The following CD34 variants were observed in gnomAD, a reference collection of about 807,000 sequenced individuals.
CD34 encodes hematopoietic progenitor cell antigen CD34.
CD34 carries 34 observed loss-of-function variants against 40.1 expected under a neutral mutation model. The observed-to-expected ratio is 0.85, with a 90% CI of 0.65 to 1.13. The LOEUF is 1.13. Among genes scored for constraint, CD34 ranks in the 50% most tolerant of loss-of-function variants. The pLI is 0.00. For missense variants in CD34, 426 were observed against 466.9 expected, an observed-to-expected ratio of 0.91 and a Z score of 0.81; for synonymous variants, 209 against 190.0, an observed-to-expected ratio of 1.10 and a Z score of -0.82.
intron 1 of CD34, among the ~76,000 whole-genome samples, chr1:207,908,632 A>C (rs531467710): frequency 6.6e-6 from 1 of 152,248 alleles, no homozygotes; most frequent in South Asian, 2.1e-4. Flanking sequence ...AGGCCTTGGA[A>C]AGCTTGGAGG....
At position 207,887,539 on chromosome 1, in the gene CD34, A is replaced by C. The variant is rs535096503; in HGVS notation, c.*199T>G. 2 of 681,480 alleles carry C rather than the reference A, an allele frequency of 2.9e-6. No homozygotes were observed. Among genetic ancestry groups the C allele is most frequent in the South Asian group, 4.2e-5 (2 of 47,554 alleles). The allele number at this position is 681,480 out of a possible 1,614,324, so 42.2% of individuals were successfully genotyped here. A position where few individuals can be genotyped will look rare whatever the true frequency, so the allele number is the denominator to read the frequency against. On this transcript the variant is annotated 3_prime_UTR_variant, in exon 8 of 8. Coordinates refer to ENST00000310833, the MANE Select transcript of CD34 (RefSeq NM_001025109.2). ...CCAAAGAAGACCAGAGTCTGGCTCC[A>C]GGGAGCCGAATGTGTAAAGGACAGG... is the stretch of plus-strand genomic sequence containing the variant.
intron 3 of CD34, 148 bp downstream of exon 3, chr1:207,898,825 A>G (rs1662204398): frequency 2.4e-6 from 2 of 842,352 alleles, no homozygotes; most frequent in Non-Finnish European, 3.8e-6. Flanking sequence ...TCTCCCAGCA[A>G]TATTTAAACT....
At chr1:207,909,785 C>T (rs1217158842) in intron 1 of CD34, among the ~76,000 whole-genome samples, 4 of 152,190 alleles carry the variant, frequency 2.6e-5, no homozygotes, top group Non-Finnish European at 4.4e-5. Context: ...TTCCTTGCCC[C>T]AAAGCACACA....
intron 1 of CD34, among the ~76,000 whole-genome samples, chr1:207,909,172 G>A (rs1421619711): frequency 6.6e-6 from 1 of 152,176 alleles, no homozygotes; most frequent in African/African-American, 2.4e-5. Flanking sequence ...ACCAAAAGCT[G>A]GGATATTCTC....
At position 207,886,375 on chromosome 1, in the gene CD34, C is replaced by T. The variant is rs950117815; in HGVS notation, c.*1363G>A. 2.0e-5 allele frequency: 3 copies of T among 152,130 alleles called. No homozygotes were observed. The allele number at this position is 152,130 out of a possible 1,614,324, so 9.4% of individuals were successfully genotyped here. ...GGAGGAGAATAGTTGGCAGACTTGG[C>T]TAAAGGTCCTTAGCATCCTGGCTGG... On this transcript the variant is annotated 3_prime_UTR_variant, in exon 8 of 8. Transcript: ENST00000310833.
chr1:207,908,145 A>T (rs1662423100), intron 1 of CD34, among the ~76,000 whole-genome samples: 1 of 152,216 alleles, frequency 6.6e-6, no homozygotes, highest in Non-Finnish European at 1.5e-5. Context: ...AGCTGAGTTT[A>T]TCTGCTGCAG....
At chr1:207,905,436 G>A (rs1433052886) in intron 1 of CD34, among the ~76,000 whole-genome samples, 1 of 152,194 alleles carries the variant, frequency 6.6e-6, no homozygotes, top group East Asian at 1.9e-4. Context: ...GTGCGTGGCC[G>A]GCTTTTACAT....
At chr1:207,904,360 G>A (rs1571778432) in intron 1 of CD34, among the ~76,000 whole-genome samples, 1 of 152,204 alleles carries the variant, frequency 6.6e-6, no homozygotes, top group African/African-American at 2.4e-5. Flanking sequence ...GGACATGCCA[G>A]CCTCTGCCAG....
rs1661882231 is a variant in CD34 at position 207,885,488 on chromosome 1, C to A, written c.*2250G>T. 1 of 152,186 alleles carries A rather than the reference C, an allele frequency of 6.6e-6. No homozygotes were observed. The highest frequency in any genetic ancestry group is 2.1e-4 in the South Asian group (1 of 4,826). The allele number at this position is 152,186 out of a possible 1,614,324, so 9.4% of individuals were successfully genotyped here. On this transcript the variant is annotated 3_prime_UTR_variant, in exon 8 of 8. Transcript: ENST00000310833. Reference sequence around the variant, plus strand: ...GAAGCTGGAGGTGCATCCAAGTTGCCTTTTCCTCTCCTCCCATATTTCCTA... The same window carrying A: ...GAAGCTGGAGGTGCATCCAAGTTGCATTTTCCTCTCCTCCCATATTTCCTA...
intron 7 of CD34, chr1:207,888,233 G>A (rs1661950847): frequency 2.8e-6 from 3 of 1,087,226 alleles, no homozygotes; most frequent in Admixed American, 3.5e-5. Context: ...CCCAGGGTAG[G>A]GGACAGGCCA....
chr1:207,909,294 C>T (rs182305764), intron 1 of CD34, among the ~76,000 whole-genome samples: 1 of 152,302 alleles, frequency 6.6e-6, no homozygotes, highest in East Asian at 1.9e-4. Flanking sequence ...AAGGGTGGAC[C>T]TCATTCGGCT....
At position 207,896,174 on chromosome 1, in the gene CD34, A is replaced by G. The variant is rs538739616; in HGVS notation, c.597+1319T>C. ...GTCTATGCATGCCAGCACATCACAT[A>G]TGTGATTCCCTTAGATGGATCCCCA... On this transcript the variant is annotated intron_variant, in intron 4 of 7. Coordinates refer to ENST00000310833, the MANE Select transcript of CD34 (RefSeq NM_001025109.2). Among the ~76,000 whole-genome samples the G allele has an allele frequency of 3.3e-5, 5 of 152,358 alleles. No individual in the cohort carries two copies. The South Asian group carries it at 1.0e-3, about 32-fold the overall frequency.
chr1:207,888,209 G>T, intron 7 of CD34: 1 of 1,405,488 alleles, frequency 7.1e-7, no homozygotes, highest in Non-Finnish European at 1.0e-6. Context: ...TTCCAAGAAG[G>T]GTGGGATGAC....
At chr1:207,898,080 G>A (rs1250363370) in intron 3 of CD34, among the ~76,000 whole-genome samples, 2 of 145,428 alleles carry the variant, frequency 1.4e-5, no homozygotes, top group Non-Finnish European at 3.0e-5. Context: ...TTGAGATCGA[G>A]TCTTGCCCAG....
chr1:207,908,428 C>A (rs115191103), intron 1 of CD34, among the ~76,000 whole-genome samples: 1 of 152,242 alleles, frequency 6.6e-6, no homozygotes, highest in Non-Finnish European at 1.5e-5. Context: ...CGCCATATGG[C>A]AGAGATTCAA....
In CD34 at chr1:207,899,236, A is replaced by C; in HGVS notation, c.263-10T>G. 1 of 1,613,644 alleles carries C rather than the reference A, an allele frequency of 6.2e-7. No individual in the cohort carries two copies. Among genetic ancestry groups the C allele is most frequent in the Non-Finnish European group, 8.5e-7 (1 of 1,179,680 alleles). Reference sequence around the variant, plus strand: ...AATTTGACTGTCGTTTCTGGAAGAGACCAAAACATGGGTGTGCATGTGTGC... The same window carrying C: ...AATTTGACTGTCGTTTCTGGAAGAGCCCAAAACATGGGTGTGCATGTGTGC... On this transcript the variant is annotated splice_polypyrimidine_tract_variant and intron_variant, in intron 2 of 7. Transcript: ENST00000310833.
At chr1:207,903,796 G>A (rs1325553192) in intron 1 of CD34, among the ~76,000 whole-genome samples, 1 of 152,218 alleles carries the variant, frequency 6.6e-6, no homozygotes, top group East Asian at 1.9e-4. Context: ...ATAAGGAGAA[G>A]CAACAGCTGA....
At chr1:207,893,602 T>C (rs971427282) in intron 4 of CD34, among the ~76,000 whole-genome samples, 1 of 152,162 alleles carries the variant, frequency 6.6e-6, no homozygotes, top group Non-Finnish European at 1.5e-5. Context: ...GTAACTTATG[T>C]TTTCCGCATG....
chr1:207,887,071 C>T lies in CD34; in HGVS notation c.*667G>A, dbSNP rs1661916531. 6.5e-6 allele frequency: 1 copy of T among 152,698 alleles called. No individual in the cohort carries two copies. Among genetic ancestry groups the T allele is most frequent in the Non-Finnish European group, 1.5e-5 (1 of 68,174 alleles). The allele number at this position is 152,698 out of a possible 1,614,324, so 9.5% of individuals were successfully genotyped here. ...AGAGACTAGAACTGAGCTGTTTGTC[C>T]TAAAACTTGGGAGGCCTGTTCTAGG... is the stretch of plus-strand genomic sequence containing the variant. On this transcript the variant is annotated 3_prime_UTR_variant, in exon 8 of 8. Coordinates refer to ENST00000310833, the MANE Select transcript of CD34 (RefSeq NM_001025109.2).
Sources: gnomAD v4.1 joint callset for allele counts (sites outside exome capture counted in the v4.1 genomes callset) on GRCh38, gnomAD v4.1.1 for gene constraint, MANE v1.5 for transcripts, NCBI Gene and HGNC (gene_info 2026-07-23, HGNC 2026-07-21) for gene names.